Variants in COLGALT2 observed in about 807,000 individuals in gnomAD.
The protein encoded by COLGALT2 is collagen beta(1-O)galactosyltransferase 2.
A neutral mutation model predicts 73.4 loss-of-function variants in COLGALT2; 49 were observed. That is an observed-to-expected ratio of 0.67 (90% CI 0.53 to 0.85). The LOEUF is 0.85. Ranked by LOEUF, COLGALT2 falls within the 40% of genes least tolerant of loss-of-function variation. COLGALT2 has a pLI of 0.00. For missense variants in COLGALT2, 722 were observed against 790.2 expected, an observed-to-expected ratio of 0.91 and a Z score of 1.03; for synonymous variants, 295 against 307.6, an observed-to-expected ratio of 0.96 and a Z score of 0.43.
At chr1:183,993,938 T>C (rs1671698368) in intron 1 of COLGALT2, among the ~76,000 whole-genome samples, 1 of 151,174 alleles carries the variant, frequency 6.6e-6, no homozygotes, top group Non-Finnish European at 1.5e-5. Context: ...GTTATGTGTA[T>C]GAAGACAGAA....
intron 1 of COLGALT2, among the ~76,000 whole-genome samples, chr1:183,980,046 A>T (rs2986559): frequency 2.6e-5 from 4 of 151,794 alleles, no homozygotes; most frequent in Admixed American, 2.6e-4. Flanking sequence ...ATAAATACAA[A>T]CCAATTTCAG....
At chr1:183,958,298 G>A (rs182815346) in intron 6 of COLGALT2, among the ~76,000 whole-genome samples, 4 of 152,062 alleles carry the variant, frequency 2.6e-5, no homozygotes, top group Non-Finnish European at 5.9e-5. Context: ...TTCAATTCTC[G>A]TCCACTGATG....
intron 1 of COLGALT2, among the ~76,000 whole-genome samples, chr1:184,016,097 T>A (rs748163626): frequency 1.4e-4 from 21 of 151,996 alleles, no homozygotes; most frequent in Non-Finnish European, 2.5e-4. Flanking sequence ...ACAGAATGAG[T>A]TTTTCATGCA....
chr1:183,935,870 C>G lies in COLGALT2; in HGVS notation c.*2891G>C, dbSNP rs1669937597. 1 of 985,312 alleles carries G rather than the reference C, an allele frequency of 1.0e-6. No individual in the cohort carries two copies. The highest frequency in any genetic ancestry group is 1.1e-4 in the East Asian group (1 of 8,834). The allele number at this position is 985,312 out of a possible 1,614,324, so 61.0% of individuals were successfully genotyped here. On this transcript the variant is annotated 3_prime_UTR_variant, in exon 12 of 12. Transcript: ENST00000361927. Reference sequence around the variant, plus strand: ...TTTTTTTTTAATTTTTCACAAAGAGCTCCAGAAGGCAAATAGTTTATCACT... The same window carrying G: ...TTTTTTTTTAATTTTTCACAAAGAGGTCCAGAAGGCAAATAGTTTATCACT...
Position 184,037,498 on chromosome 1 carries a change from AC to A in COLGALT2, c.-142del, listed in dbSNP as rs1433454428. On this transcript the variant is annotated 5_prime_UTR_variant, in exon 1 of 12. Transcript: ENST00000361927. ...GGCTTGCCGCGGCCGGCCGGCTCAC[AC>A]ACTGGCCTCGGCGGCTGCGGTTCCC... 23 of 1,169,894 alleles carry A rather than the reference AC, an allele frequency of 2.0e-5. No individual in the cohort carries two copies. The highest frequency in any genetic ancestry group is 2.0e-5 in the Non-Finnish European group (19 of 949,692). The allele number at this position is 1,169,894 out of a possible 1,614,324, so 72.5% of individuals were successfully genotyped here.
chr1:183,977,402 C>CGGA (rs1558322677), intron 2 of COLGALT2, among the ~76,000 whole-genome samples: 3 of 148,090 alleles, frequency 2.0e-5, no homozygotes, highest in African/African-American at 7.5e-5. Flanking sequence ...ACCCAGGAGG[C>CGGA]GGAGGTTGCA....
intron 10 of COLGALT2, among the ~76,000 whole-genome samples, chr1:183,943,682 A>G (rs1037891837): frequency 3.3e-5 from 5 of 152,080 alleles, no homozygotes; most frequent in Admixed American, 6.5e-5. Flanking sequence ...CTAGTTGTCC[A>G]TGTTCTTCAT....
chr1:184,036,730 G>A (rs1045921363), intron 1 of COLGALT2, among the ~76,000 whole-genome samples: 2 of 152,254 alleles, frequency 1.3e-5, no homozygotes, highest in Non-Finnish European at 1.5e-5. Context: ...GCAGTATGAG[G>A]TGGGGAAAGA....
chr1:183,982,220 G>A (rs1273510401), intron 1 of COLGALT2, among the ~76,000 whole-genome samples: 1 of 152,130 alleles, frequency 6.6e-6, no homozygotes, highest in Admixed American at 6.6e-5. Flanking sequence ...AGGGATACCA[G>A]GTGAGCATGT....
intron 10 of COLGALT2, among the ~76,000 whole-genome samples, chr1:183,942,407 T>C (rs1335012370): frequency 6.6e-6 from 1 of 152,226 alleles, no homozygotes; most frequent in Non-Finnish European, 1.5e-5. Context: ...ATGATGATAC[T>C]GTTTGGATAT....
chr1:183,966,811 G>T (rs1234092726), intron 5 of COLGALT2, among the ~76,000 whole-genome samples: 1 of 152,142 alleles, frequency 6.6e-6, no homozygotes, highest in African/African-American at 2.4e-5. Context: ...GACCATATGT[G>T]CTCTCTTCTT....
At chr1:183,979,844 T>A (rs1671300718) in intron 1 of COLGALT2, among the ~76,000 whole-genome samples, 1 of 152,202 alleles carries the variant, frequency 6.6e-6, no homozygotes, top group South Asian at 2.1e-4. Flanking sequence ...CAAGTGCACA[T>A]GGAACATCTG....
intron 6 of COLGALT2, among the ~76,000 whole-genome samples, chr1:183,959,988 A>G (rs1297839937): frequency 2.0e-5 from 3 of 152,004 alleles, no homozygotes; most frequent in Non-Finnish European, 4.4e-5. Flanking sequence ...CTTCCCAGAT[A>G]TATTGTCTAT....
intron 1 of COLGALT2, among the ~76,000 whole-genome samples, chr1:184,030,156 A>G (rs955059556): frequency 4.6e-5 from 7 of 152,204 alleles, no homozygotes; most frequent in African/African-American, 1.7e-4. Context: ...ACTATTAAAA[A>G]TCCATAAAGA....
chr1:183,982,354 G>A (rs112417096), intron 1 of COLGALT2, among the ~76,000 whole-genome samples: 38 of 152,274 alleles, frequency 2.5e-4, no homozygotes, highest in South Asian at 6.2e-4. Context: ...AAAGTGCAAC[G>A]TCAGCAAAAG....
intron 6 of COLGALT2, among the ~76,000 whole-genome samples, chr1:183,956,700 T>C (rs1344629571): frequency 6.6e-6 from 1 of 152,014 alleles, no homozygotes; most frequent in Non-Finnish European, 1.5e-5. Context: ...TTTGTTTCCA[T>C]CAAACATAGG....
chr1:183,976,139 T>C (rs1671183547), intron 2 of COLGALT2, among the ~76,000 whole-genome samples: 1 of 152,044 alleles, frequency 6.6e-6, no homozygotes, highest in African/African-American at 2.4e-5. Flanking sequence ...CCTTGGCATA[T>C]AATATATTTA....
intron 6 of COLGALT2, among the ~76,000 whole-genome samples, chr1:183,958,361 A>G (rs917634824): frequency 2.0e-5 from 3 of 152,190 alleles, no homozygotes; most frequent in African/African-American, 7.2e-5. Context: ...CTCAGCACCA[A>G]GAGGACTACT....
chr1:184,022,589 A>T (rs919316520), intron 1 of COLGALT2, among the ~76,000 whole-genome samples: 3 of 152,234 alleles, frequency 2.0e-5, no homozygotes, highest in African/African-American at 4.8e-5. Flanking sequence ...CTCCTTTGAC[A>T]TCAAAATAAT....
Sources: gnomAD v4.1 joint callset for allele counts (sites outside exome capture counted in the v4.1 genomes callset) on GRCh38, gnomAD v4.1.1 for gene constraint, MANE v1.5 for transcripts, NCBI Gene and HGNC (gene_info 2026-07-23, HGNC 2026-07-21) for gene names.